Variants in FGF12 observed in about 807,000 individuals in gnomAD.
FGF12 encodes fibroblast growth factor 12B.
In FGF12, 14 loss-of-function variants were observed where a neutral mutation model predicts 23.6. That is an observed-to-expected ratio of 0.59 (90% CI 0.39 to 0.93). FGF12 has a LOEUF of 0.93. FGF12 is among the 40% of genes least tolerant of loss of function. The probability of loss-of-function intolerance (pLI) is 0.00; values close to 1 mark genes in which losing one functional copy is unlikely to be tolerated. For synonymous variants in FGF12, 62 were observed against 77.3 expected (o/e 0.80, Z 1.04); for missense variants, 175 against 217.8 (o/e 0.80, Z 1.24).
chr3:192,432,620 C>CAAAAAAAAA (rs201364119), intron 2 of FGF12, among the ~76,000 whole-genome samples: 26 of 106,688 alleles, frequency 2.4e-4, no homozygotes, highest in African/African-American at 3.3e-4. Flanking sequence ...TGACATCTGG[C>CAAAAAAAAA]AAAAAAAAAA....
Position 192,715,672 on chromosome 3 carries a change from G to A in FGF12, c.13+11509C>T, listed in dbSNP as rs183623300. Among the ~76,000 whole-genome samples the A allele has an allele frequency of 2.6e-5, 4 of 152,326 alleles. No homozygotes were observed. The East Asian group carries it at 5.8e-4, about 22-fold the overall frequency. ...ATGCCTAGCCAGAGCAATCCACACA[G>A]ACAATGTGATGGTAAAAGTAAATTT... On this transcript the variant is annotated intron_variant, in intron 2 of 5. Transcript: ENST00000445105.
intron 2 of FGF12, among the ~76,000 whole-genome samples, chr3:192,517,728 G>A (rs1420404608): frequency 1.3e-5 from 2 of 152,126 alleles, no homozygotes; most frequent in East Asian, 3.9e-4. Context: ...TTTCTACTTT[G>A]TAAGTAAGTA....
intron 2 of FGF12, among the ~76,000 whole-genome samples, chr3:192,712,292 A>T (rs1166335252): frequency 6.6e-6 from 1 of 151,818 alleles, no homozygotes; most frequent in Non-Finnish European, 1.5e-5. Context: ...AAAAAAAGAG[A>T]GTAGGAGATC....
intron 2 of FGF12, among the ~76,000 whole-genome samples, chr3:192,672,795 G>A (rs1423152969): frequency 1.3e-5 from 2 of 150,872 alleles, no homozygotes; most frequent in Non-Finnish European, 1.5e-5. Flanking sequence ...TGGAACTCTT[G>A]GCAAGAGCTG....
intron 2 of FGF12, among the ~76,000 whole-genome samples, chr3:192,458,238 T>G (rs1722740662): frequency 6.6e-6 from 1 of 152,158 alleles, no homozygotes; most frequent in South Asian, 2.1e-4. Context: ...GAGTCCCTAC[T>G]GGGGCACTGC....
At chr3:192,694,092 C>A (rs914343618) in intron 2 of FGF12, among the ~76,000 whole-genome samples, 12 of 152,184 alleles carry the variant, frequency 7.9e-5, no homozygotes, top group African/African-American at 2.4e-4. Flanking sequence ...AGGTGAGAGA[C>A]CTGAATAGAC....
chr3:192,234,576 G>A (rs956233650), intron 4 of FGF12, among the ~76,000 whole-genome samples: 2 of 152,122 alleles, frequency 1.3e-5, no homozygotes, highest in African/African-American at 4.8e-5. Context: ...GTACAATGTT[G>A]AATAGGAGTG....
At chr3:192,457,309 A>T (rs1722711229) in intron 2 of FGF12, among the ~76,000 whole-genome samples, 1 of 152,250 alleles carries the variant, frequency 6.6e-6, no homozygotes, top group South Asian at 2.1e-4. Flanking sequence ...GAACTGGGTA[A>T]CAGGCAGAGG....
intron 2 of FGF12, among the ~76,000 whole-genome samples, chr3:192,410,328 G>T (rs1576961579): frequency 6.6e-6 from 1 of 150,766 alleles, no homozygotes; most frequent in South Asian, 2.1e-4. Flanking sequence ...TCCTCTCTAC[G>T]CAATCCTACG....
chr3:192,329,748 A>G (rs896718719), intron 4 of FGF12, among the ~76,000 whole-genome samples: 1 of 152,200 alleles, frequency 6.6e-6, no homozygotes, highest in African/African-American at 2.4e-5. Flanking sequence ...ACATTAAAGG[A>G]TATTACATTT....
At chr3:192,434,005 T>G (rs1010246944) in intron 2 of FGF12, among the ~76,000 whole-genome samples, 1 of 152,116 alleles carries the variant, frequency 6.6e-6, no homozygotes, top group African/African-American at 2.4e-5. Context: ...GCTAAATGTA[T>G]CCCCAGTTCA....
intron 2 of FGF12, among the ~76,000 whole-genome samples, chr3:192,570,394 G>A (rs1712535825): frequency 6.6e-6 from 1 of 151,832 alleles, no homozygotes; most frequent in Non-Finnish European, 1.5e-5. Flanking sequence ...ATGCAAATCT[G>A]GTAGTCCAAA....
Position 192,727,491 on chromosome 3 carries a change from T to C in FGF12, c.-138A>G, listed in dbSNP as rs1719264585. ...TTTTTTTTTTTTTTTTACCTGGGTC[T>C]GGAAGCTGCAGGCAGGAGCTGTCCT... On this transcript the variant is annotated 5_prime_UTR_variant, in exon 1 of 6. Transcript: ENST00000445105. 1.6e-6 allele frequency: 1 copy of C among 637,856 alleles called. No homozygotes were observed. Among genetic ancestry groups the C allele is most frequent in the Non-Finnish European group, 2.6e-6 (1 of 391,388 alleles). 39.5% of individuals were successfully genotyped at this position (637,856 alleles called of 1,614,324 possible).
chr3:192,646,705 G>A (rs540515902), intron 2 of FGF12, among the ~76,000 whole-genome samples: 1 of 152,272 alleles, frequency 6.6e-6, no homozygotes, highest in South Asian at 2.1e-4. Flanking sequence ...CCAGGTGCTA[G>A]GGAGAGGGGA....
intron 4 of FGF12, among the ~76,000 whole-genome samples, chr3:192,235,078 C>T (rs1017163623): frequency 6.6e-6 from 1 of 152,132 alleles, no homozygotes; most frequent in Non-Finnish European, 1.5e-5. Context: ...GCAGGAGTCC[C>T]TCCTCCTTTA....
intron 2 of FGF12, among the ~76,000 whole-genome samples, chr3:192,473,096 CTA>C (rs2108814610): frequency 6.6e-6 from 1 of 152,286 alleles, no homozygotes; most frequent in Non-Finnish European, 1.5e-5. Flanking sequence ...AGTTCAGAGC[CTA>C]TGAGTTTACT....
chr3:192,421,589 A>G (rs1338439367), intron 2 of FGF12, among the ~76,000 whole-genome samples: 1 of 152,086 alleles, frequency 6.6e-6, no homozygotes, highest in Non-Finnish European at 1.5e-5. Flanking sequence ...CAAACACCAC[A>G]TGTTCTCACT....
chr3:192,387,259 ACCT>A (rs549413262), intron 2 of FGF12, among the ~76,000 whole-genome samples: 183 of 152,060 alleles, frequency 1.2e-3, no homozygotes, highest in Non-Finnish European at 9.7e-4. Context: ...TTCAAATGAC[ACCT>A]CCTTGTTGGC....
At position 192,617,839 on chromosome 3, in the gene FGF12, G is replaced by A. The variant is rs148632532; in HGVS notation, c.13+109342C>T. 3.4e-3 allele frequency among the ~76,000 whole-genome samples: 520 copies of A among 152,142 alleles called. 2 individuals carry two copies. Among genetic ancestry groups the A allele is most frequent in the Middle Eastern group, 0.02 (6 of 294 alleles). Reference sequence around the variant, plus strand: ...ACTGGGTAGATGCTGAACAGGGTCCGAAACCCACATGGTAGTTTATGAATA... The same window carrying A: ...ACTGGGTAGATGCTGAACAGGGTCCAAAACCCACATGGTAGTTTATGAATA... On this transcript the variant is annotated intron_variant, in intron 2 of 5. Transcript: ENST00000445105.
Sources: allele counts gnomAD v4.1 joint callset (sites outside exome capture counted in the v4.1 genomes callset), GRCh38; gene constraint gnomAD v4.1.1; transcripts MANE v1.5; gene names NCBI Gene and HGNC (gene_info 2026-07-23, HGNC 2026-07-21).